CHN2: variants seen among roughly 807,000 people sequenced by gnomAD.
CHN2 encodes the protein beta-chimaerin.
CHN2 carries 35 observed loss-of-function variants against 56.3 expected under a neutral mutation model. The observed-to-expected ratio is 0.62, with a 90% confidence interval of 0.47 to 0.82. The LOEUF (loss-of-function observed/expected upper bound fraction) is 0.82, where lower values mean the gene tolerates loss of function less well. Ranked by LOEUF, CHN2 falls within the 40% of genes least tolerant of loss-of-function variation. The pLI, the probability that CHN2 is intolerant of heterozygous loss-of-function variation, is 0.00. For synonymous variants in CHN2, 210 were observed against 212.8 expected (o/e 0.99, Z 0.12); for missense variants, 491 against 580.5 (o/e 0.85, Z 1.58).
At chr7:29,471,628 T>G (rs1324850922) in intron 6 of CHN2, among the ~76,000 whole-genome samples, 1 of 152,186 alleles carries the variant, frequency 6.6e-6, no homozygotes, top group Non-Finnish European at 1.5e-5. Context: ...TCGGCACTTC[T>G]GTGTGTCTCT....
intron 6 of CHN2, among the ~76,000 whole-genome samples, chr7:29,404,919 G>A (rs1421163373): frequency 6.6e-6 from 1 of 151,862 alleles, no homozygotes; most frequent in Non-Finnish European, 1.5e-5. Flanking sequence ...ATCCCTTGAA[G>A]GATGCAAGAG....
At chr7:29,451,041 T>G (rs2893340) in intron 6 of CHN2, among the ~76,000 whole-genome samples, 10,566 of 152,164 alleles carry the variant, frequency 0.069, 633 homozygotes, top group African/African-American at 0.17. Context: ...AGTGCTGGGA[T>G]TATAGGCGTG....
At chr7:29,366,720 C>T (rs1196597071) in intron 2 of CHN2, among the ~76,000 whole-genome samples, 2 of 152,026 alleles carry the variant, frequency 1.3e-5, no homozygotes, top group African/African-American at 2.4e-5. Context: ...TGTGGGTGAC[C>T]TATACTTAGA....
chr7:29,290,987 C>T (rs543731146), intron 1 of CHN2, among the ~76,000 whole-genome samples: 3 of 152,252 alleles, frequency 2.0e-5, no homozygotes, highest in African/African-American at 7.2e-5. Flanking sequence ...GCATGCTTTC[C>T]GAGGGTTGCA....
chr7:29,176,538 G>A (rs542830901), intron 2 of CHN2, among the ~76,000 whole-genome samples: 13 of 152,048 alleles, frequency 8.5e-5, no homozygotes, highest in Middle Eastern at 3.4e-3. Context: ...GATTCCAAAG[G>A]AAAGACAAAG....
At chr7:29,368,252 G>C (rs971480022) in intron 3 of CHN2, among the ~76,000 whole-genome samples, 6 of 152,044 alleles carry the variant, frequency 3.9e-5, no homozygotes, top group African/African-American at 1.4e-4. Context: ...ACCAAAAAAT[G>C]TGTATTCTGG....
chr7:29,512,504 A>G, intron 12 of CHN2, 60 bp from the exon 13 acceptor site: 1 of 1,441,950 alleles, frequency 6.9e-7, no homozygotes, highest in Non-Finnish European at 9.4e-7. Flanking sequence ...TACATAATCA[A>G]TACATAAAAT....
intron 6 of CHN2, among the ~76,000 whole-genome samples, chr7:29,401,774 G>A (rs1802226698): frequency 2.0e-5 from 3 of 152,178 alleles, no homozygotes; most frequent in South Asian, 2.1e-4. Context: ...GGCAGGAGGC[G>A]GCCAGGGAGA....
intron 1 of CHN2, among the ~76,000 whole-genome samples, chr7:29,268,916 T>TA (rs139325090): frequency 0.027 from 4,052 of 152,354 alleles, 79 homozygotes; most frequent in Non-Finnish European, 0.045. Context: ...CATTTTAATT[T>TA]AAAAAAATGT....
chr7:29,404,116 C>T (rs1158102200), intron 6 of CHN2, among the ~76,000 whole-genome samples: 1 of 152,146 alleles, frequency 6.6e-6, no homozygotes, highest in Non-Finnish European at 1.5e-5. Context: ...AGTTGTGCCT[C>T]ATTCTGTGCT....
At chr7:29,488,526 T>TAAAC (rs745641525) in intron 7 of CHN2, among the ~76,000 whole-genome samples, 186 of 152,130 alleles carry the variant, frequency 1.2e-3, no homozygotes, top group African/African-American at 4.0e-3. Flanking sequence ...ATAAAGTAGC[T>TAAAC]AAACAAACAA....
chr7:29,235,794 C>A (rs1016324973), intron 1 of CHN2, among the ~76,000 whole-genome samples: 7 of 152,168 alleles, frequency 4.6e-5, no homozygotes, highest in African/African-American at 1.4e-4. Context: ...GAACTGACAA[C>A]CAAATACCGC....
In CHN2 at chr7:29,194,829, C is replaced by G; in HGVS notation, c.-113C>G. 1 of 994,450 alleles carries G rather than the reference C, an allele frequency of 1.0e-6. No homozygotes were observed. Among genetic ancestry groups the G allele is most frequent in the Non-Finnish European group, 1.3e-6 (1 of 744,676 alleles). 61.6% of individuals were successfully genotyped at this position (994,450 alleles called of 1,614,324 possible). A position where few individuals can be genotyped will look rare whatever the true frequency, so the allele number is the denominator to read the frequency against. ...GAGGCTGGTGCTTTCTGCGCGTCCC[C>G]AGGACTTTGCCATGGGCTGGGGGCC... On this transcript the variant is annotated 5_prime_UTR_variant, in exon 1 of 13. Coordinates refer to ENST00000222792, the MANE Select transcript of CHN2 (RefSeq NM_004067.4).
At chr7:29,393,924 C>A (rs567405741) in intron 4 of CHN2, among the ~76,000 whole-genome samples, 1 of 152,188 alleles carries the variant, frequency 6.6e-6, no homozygotes, top group South Asian at 2.1e-4. Context: ...GAGCATTTTG[C>A]GCTACTTTTC....
intron 2 of CHN2, among the ~76,000 whole-genome samples, chr7:29,147,681 A>C (rs1792949688): frequency 6.6e-6 from 1 of 152,204 alleles, no homozygotes; most frequent in African/African-American, 2.4e-5. Context: ...TAGCTCTTTA[A>C]GGAGAAAAAT....
At chr7:29,211,122 G>C (rs1224303540) in intron 1 of CHN2, among the ~76,000 whole-genome samples, 5 of 151,982 alleles carry the variant, frequency 3.3e-5, no homozygotes, top group African/African-American at 1.2e-4. Context: ...CCAGGCTGGA[G>C]TGCAGTGGCG....
At chr7:29,424,143 AAAG>A (rs1167332889) in intron 6 of CHN2, among the ~76,000 whole-genome samples, 5 of 152,230 alleles carry the variant, frequency 3.3e-5, no homozygotes, top group South Asian at 2.1e-4. Context: ...AGAAAGTCCT[AAAG>A]AAGAAGTTAT....
chr7:29,168,601 C>T (rs1288222839), intron 2 of CHN2, among the ~76,000 whole-genome samples: 1 of 152,106 alleles, frequency 6.6e-6, no homozygotes, highest in Admixed American at 6.5e-5. Context: ...TTTGGAGGTC[C>T]AGTGTTATGT....
At chr7:29,280,916 G>A (rs1050985943) in intron 1 of CHN2, among the ~76,000 whole-genome samples, 1 of 151,936 alleles carries the variant, frequency 6.6e-6, no homozygotes, top group South Asian at 2.1e-4. Context: ...TGGCCAACAT[G>A]GAAACCCCAT....
Sources: gnomAD v4.1 joint callset for allele counts (sites outside exome capture counted in the v4.1 genomes callset) on GRCh38, gnomAD v4.1.1 for gene constraint, MANE v1.5 for transcripts, NCBI Gene and HGNC (gene_info 2026-07-23, HGNC 2026-07-21) for gene names.